Variants in SLC35H1 observed in about 807,000 individuals in gnomAD.
The protein encoded by SLC35H1 is solute carrier family 35 member H1, also known as ovarian cancer-overexpressed gene 1 protein.
chr20:46,357,747 C>T, the SLC35H1 span: 5 of 1,613,966 alleles, frequency 3.1e-6, no homozygotes, highest in Middle Eastern at 1.6e-4. Context: ...GGTGCAGCAT[C>T]GTCATGAAGA....
chr20:46,348,054 T>G, the SLC35H1 span: 1 of 152,074 alleles, frequency 6.6e-6, no homozygotes, highest in Non-Finnish European at 1.5e-5. Flanking sequence ...AAGCACCGCG[T>G]TGCCATGGTG....
the SLC35H1 span, among the ~76,000 whole-genome samples, chr20:46,363,816 G>A: frequency 6.6e-6 from 1 of 152,218 alleles, no homozygotes; most frequent in African/African-American, 2.4e-5. Flanking sequence ...GGTCCACAAG[G>A]AAGGCCTCTG....
At chr20:46,358,552 C>A in the SLC35H1 span, 2 of 1,613,992 alleles carry the variant, frequency 1.2e-6, no homozygotes, top group South Asian at 2.2e-5. Flanking sequence ...CGGGGGCAGG[C>A]ACCCCTCTTG....
the SLC35H1 span, chr20:46,355,712 C>A: frequency 6.3e-7 from 1 of 1,584,508 alleles, no homozygotes; most frequent in South Asian, 1.1e-5. This position sits in a 1 kb window ranked among gnomAD's most constrained non-coding sequence, Gnocchi z 4.8. Context: ...TCTCCTCTGT[C>A]ACACAGCAGG....
the SLC35H1 span, chr20:46,358,456 G>A: frequency 3.1e-6 from 5 of 1,614,160 alleles, no homozygotes; most frequent in Non-Finnish European, 4.2e-6. Context: ...CCAGCCCCAG[G>A]GTCAACACCG....
At chr20:46,351,915 C>T in the SLC35H1 span, 4 of 906,556 alleles carry the variant, frequency 4.4e-6, no homozygotes, top group South Asian at 7.0e-5. Context: ...CAGCAAAGTG[C>T]CTGGCACCTA....
At chr20:46,353,165 C>T in the SLC35H1 span, 3 of 152,222 alleles carry the variant, frequency 2.0e-5, no homozygotes, top group Non-Finnish European at 4.4e-5. Flanking sequence ...GATGTGTCCC[C>T]TTTCTGGACC....
the SLC35H1 span, chr20:46,350,811 C>A: frequency 3.7e-6 from 6 of 1,614,090 alleles, no homozygotes; most frequent in Admixed American, 1.0e-4. Context: ...TCCCGAGAGG[C>A]AGAGGGCGAA....
At chr20:46,359,018 G>T in the SLC35H1 span, 1 of 498,676 alleles carries the variant, frequency 2.0e-6, no homozygotes, top group South Asian at 2.1e-5. Context: ...GCAGCTTCCA[G>T]TGCTTTTCTG....
At chr20:46,358,439 A>G in the SLC35H1 span, 1 of 1,614,222 alleles carries the variant, frequency 6.2e-7, no homozygotes, top group South Asian at 1.1e-5. Flanking sequence ...GCAGTAGTAG[A>G]GAAGCACCAG....
the SLC35H1 span, among the ~76,000 whole-genome samples, chr20:46,353,619 G>A: frequency 2.0e-5 from 3 of 152,186 alleles, no homozygotes; most frequent in African/African-American, 4.8e-5. Context: ...CAAAGGCGTC[G>A]GCAAATTGAA....
chr20:46,355,173 T>C, the SLC35H1 span: 1 of 1,614,050 alleles, frequency 6.2e-7, no homozygotes, highest in Non-Finnish European at 8.5e-7. This position sits in a 1 kb window ranked among gnomAD's most constrained non-coding sequence, Gnocchi z 4.8. Flanking sequence ...CGTTGAACTG[T>C]GTGGACTTGT....
At chr20:46,358,890 C>T in the SLC35H1 span, 1 of 677,762 alleles carries the variant, frequency 1.5e-6, no homozygotes, top group Non-Finnish European at 2.6e-6. Context: ...CAGGCAGTCC[C>T]AGAGACCCAC....
the SLC35H1 span, chr20:46,352,086 A>G: frequency 6.2e-7 from 1 of 1,614,212 alleles, no homozygotes; most frequent in Non-Finnish European, 8.5e-7. Flanking sequence ...GTGAGGCTGG[A>G]GGTTCTGGAG....
the SLC35H1 span, chr20:46,355,821 A>G: frequency 6.6e-5 from 106 of 1,613,980 alleles, no homozygotes; most frequent in Non-Finnish European, 8.1e-5. The surrounding 1 kb of genome is among the most constrained non-coding windows in gnomAD (Gnocchi z 4.8). Context: ...CAGCTTGAAG[A>G]TCAGAGAGAA....
the SLC35H1 span, chr20:46,358,681 G>A: frequency 3.2e-6 from 5 of 1,551,320 alleles, no homozygotes; most frequent in African/African-American, 4.1e-5. Context: ...GCCCCAGGCA[G>A]AGTCCTCACC....
the SLC35H1 span, chr20:46,349,063 A>G: frequency 6.6e-6 from 1 of 152,236 alleles, no homozygotes; most frequent in Non-Finnish European, 1.5e-5. Context: ...CCACCCATGG[A>G]TACCCACTGT....
chr20:46,354,934 G>C, the SLC35H1 span: 1 of 1,613,802 alleles, frequency 6.2e-7, no homozygotes, highest in Admixed American at 1.7e-5. Flanking sequence ...GTGGCTGCAG[G>C]TGGAACATGG....
At chr20:46,355,020 G>A in the SLC35H1 span, 33 of 1,613,640 alleles carry the variant, frequency 2.0e-5, no homozygotes, top group Non-Finnish European at 2.5e-5. This position sits in a 1 kb window ranked among gnomAD's most constrained non-coding sequence, Gnocchi z 4.8. Context: ...CCCTGCCTCC[G>A]CCCTGCCTGT....
Sources: allele counts gnomAD v4.1 joint callset (sites outside exome capture counted in the v4.1 genomes callset), GRCh38; gene constraint gnomAD v4.1.1; non-coding constraint Gnocchi (gnomAD v3.1); transcripts MANE v1.5; gene names NCBI Gene and HGNC (gene_info 2026-07-23, HGNC 2026-07-21).